Variants in CBLB observed in about 807,000 individuals in gnomAD.
The protein encoded by CBLB is Cbl proto-oncogene B.
CBLB carries 31 observed loss-of-function variants against 104.9 expected under a neutral mutation model. The ratio of observed to expected loss-of-function variants is 0.30; its 90% CI spans 0.22 to 0.40. CBLB has a LOEUF of 0.40. Among genes scored for constraint, CBLB ranks in the 10% least tolerant of loss-of-function variants. The pLI is 1.00. For missense variants in CBLB, 1,062 were observed against 1,214.6 expected, an observed-to-expected ratio of 0.87 and a Z score of 1.87; for synonymous variants, 440 against 422.6, an observed-to-expected ratio of 1.04 and a Z score of -0.51.
intron 9 of CBLB, among the ~76,000 whole-genome samples, chr3:105,725,428 C>G (rs955528612): frequency 2.0e-5 from 3 of 152,158 alleles, no homozygotes; most frequent in African/African-American, 7.2e-5. Context: ...GAAAATGTTT[C>G]CAAAGTGCCA....
intron 18 of CBLB, among the ~76,000 whole-genome samples, chr3:105,665,860 C>T (rs974986990): frequency 6.6e-6 from 1 of 151,462 alleles, no homozygotes; most frequent in African/African-American, 2.4e-5. Context: ...GAAACCCCGT[C>T]TCTACTAAAA....
At chr3:105,782,150 T>C (rs1010749223) in intron 3 of CBLB, among the ~76,000 whole-genome samples, 2 of 152,214 alleles carry the variant, frequency 1.3e-5, no homozygotes, top group Non-Finnish European at 2.9e-5. Flanking sequence ...AGATGGGTCC[T>C]GACAGTCTTA....
intron 3 of CBLB, among the ~76,000 whole-genome samples, chr3:105,804,314 T>C (rs903713030): frequency 6.8e-6 from 1 of 148,016 alleles, no homozygotes; most frequent in African/African-American, 2.6e-5. Flanking sequence ...AGGCCAGGAG[T>C]TCAAGACCAA....
At chr3:105,770,675 T>G (rs2078770106) in intron 4 of CBLB, among the ~76,000 whole-genome samples, 1 of 152,132 alleles carries the variant, frequency 6.6e-6, no homozygotes, top group Non-Finnish European at 1.5e-5. Flanking sequence ...TGGCCATGCC[T>G]GGGAAGACGA....
intron 16 of CBLB, 128 bp downstream of exon 16, chr3:105,681,351 A>T: frequency 1.1e-6 from 1 of 870,338 alleles, no homozygotes. Context: ...GCACCTGGAG[A>T]ACCCATTCAA....
chr3:105,841,546 G>C (rs557472232), intron 3 of CBLB, among the ~76,000 whole-genome samples: 1 of 151,240 alleles, frequency 6.6e-6, no homozygotes, highest in Non-Finnish European at 1.5e-5. Context: ...TCCGCCTCCC[G>C]GATTCACGCC....
chr3:105,680,413 C>T (rs1184750353), intron 16 of CBLB, among the ~76,000 whole-genome samples: 1 of 152,138 alleles, frequency 6.6e-6, no homozygotes. Context: ...CACACTTAAC[C>T]CATATGCAAA....
rs532879470 is a variant in CBLB, at chr3:105,680,093, T to C, written c.2428+1386A>G. ...GGTATGATTTACAAGTGAAAGTGTT[T>C]TATTGGTCCCATAAAAGAGACATAT... is the stretch of plus-strand genomic sequence containing the variant. On this transcript the variant is annotated intron_variant, in intron 16 of 18. Transcript: ENST00000394030. Among the ~76,000 whole-genome samples the C allele has an allele frequency of 2.0e-5, 3 of 152,292 alleles. No homozygotes were observed. In the East Asian group the frequency reaches 5.8e-4, roughly 29 times the overall value.
intron 9 of CBLB, among the ~76,000 whole-genome samples, chr3:105,721,647 G>A (rs1280797702): frequency 1.3e-5 from 2 of 151,968 alleles, no homozygotes; most frequent in African/African-American, 4.8e-5. Context: ...ATCCTTCAAG[G>A]TTTACCACCA....
rs1204696767 is a variant in CBLB at position 105,657,620 on chromosome 3, C to G, written c.*1350G>C. The G allele has an allele frequency of 4.9e-6, 1 of 203,648 alleles. No individual in the cohort carries two copies. Among genetic ancestry groups the G allele is most frequent in the Admixed American group, 6.0e-5 (1 of 16,776 alleles). The allele number at this position is 203,648 out of a possible 1,614,324, so 12.6% of individuals were successfully genotyped here. On this transcript the variant is annotated 3_prime_UTR_variant, in exon 19 of 19. Transcript: ENST00000394030. ...TTAAAAACACAGTGCCTAACAGCACCAAGCATATCATAGATGCTCAATAAA... is the reference window on the plus strand; with the variant it reads ...TTAAAAACACAGTGCCTAACAGCACGAAGCATATCATAGATGCTCAATAAA...
intron 3 of CBLB, among the ~76,000 whole-genome samples, chr3:105,783,297 ATAAG>A (rs1223339469): frequency 2.0e-5 from 3 of 152,224 alleles, no homozygotes; most frequent in African/African-American, 4.8e-5. Flanking sequence ...AAAACCTTCA[ATAAG>A]TAAGTTATTT....
chr3:105,707,749 A>G (rs1310002500), intron 10 of CBLB, among the ~76,000 whole-genome samples: 2 of 152,154 alleles, frequency 1.3e-5, no homozygotes, highest in African/African-American at 4.8e-5. Flanking sequence ...AATGTTGCAC[A>G]ATCCAGTCCA....
chr3:105,697,418 G>A (rs1290215109), intron 12 of CBLB, among the ~76,000 whole-genome samples: 2 of 151,928 alleles, frequency 1.3e-5, no homozygotes, highest in African/African-American at 2.4e-5. Context: ...ACAATTTTGT[G>A]AAAATCTTAG....
At chr3:105,778,696 C>T (rs1468083193) in intron 3 of CBLB, among the ~76,000 whole-genome samples, 1 of 152,060 alleles carries the variant, frequency 6.6e-6, no homozygotes, top group Non-Finnish European at 1.5e-5. Flanking sequence ...TTATAATATA[C>T]ATAAATGTTA....
chr3:105,794,985 A>G (rs952029882), intron 3 of CBLB, among the ~76,000 whole-genome samples: 2 of 150,118 alleles, frequency 1.3e-5, no homozygotes, highest in Admixed American at 6.7e-5. Flanking sequence ...GCGCTAACTC[A>G]GCTCACTGCA....
chr3:105,736,602 A>G (rs1481908988), intron 8 of CBLB, among the ~76,000 whole-genome samples: 1 of 152,152 alleles, frequency 6.6e-6, no homozygotes, highest in Non-Finnish European at 1.5e-5. Context: ...TATTACAGTA[A>G]ATACCTGTTG....
intron 2 of CBLB, among the ~76,000 whole-genome samples, chr3:105,861,314 TAGA>T (rs71111388): frequency 0.012 from 1,889 of 152,284 alleles, 21 homozygotes; most frequent in Non-Finnish European, 0.019. Flanking sequence ...ACTTAAATGC[TAGA>T]AGACTAGTTA....
intron 10 of CBLB, among the ~76,000 whole-genome samples, chr3:105,718,886 T>C (rs927912087): frequency 6.6e-6 from 1 of 152,238 alleles, no homozygotes. Flanking sequence ...GTACAGGGAA[T>C]AGCCTGATAT....
chr3:105,866,098 T>C (rs2092412989), intron 2 of CBLB, among the ~76,000 whole-genome samples: 1 of 152,130 alleles, frequency 6.6e-6, no homozygotes, highest in Non-Finnish European at 1.5e-5. Flanking sequence ...ATATAACAAT[T>C]TGAATAAATT....
Sources: allele counts gnomAD v4.1 joint callset (sites outside exome capture counted in the v4.1 genomes callset), GRCh38; gene constraint gnomAD v4.1.1; transcripts MANE v1.5; gene names NCBI Gene and HGNC (gene_info 2026-07-23, HGNC 2026-07-21).